SYT6: variants seen among roughly 807,000 people sequenced by gnomAD.
The protein encoded by SYT6 is synaptotagmin 6.
SYT6 carries 24 observed loss-of-function variants against 38.4 expected under a neutral mutation model. The ratio of observed to expected loss-of-function variants is 0.62; its 90% CI spans 0.45 to 0.88. SYT6 has a LOEUF of 0.88. SYT6 is among the 40% of genes least tolerant of loss of function. SYT6 has a pLI of 0.00. For synonymous variants in SYT6, 265 were observed against 241.9 expected, an observed-to-expected ratio of 1.10 and a Z score of -0.89; for missense variants, 611 against 621.0, an observed-to-expected ratio of 0.98 and a Z score of 0.17.
Position 114,139,627 on chromosome 1 carries a change from G to T in SYT6, c.500C>A (p.Ala167Glu). 1 of 1,614,112 alleles carries T rather than the reference G, an allele frequency of 6.2e-7. No individual in the cohort carries two copies. The change falls in exon 2 of 8, where the codon GCG becomes GAG. Residue 167 changes from alanine to glutamate, a missense_variant. Physicochemically the swap from Ala to Glu is moderately radical, Grantham distance 107. Coordinates refer to ENST00000610222, the MANE Select transcript of SYT6 (RefSeq NM_001253772.2). ...GTCCACTCCTCACCTGGTGGATGAC[G>T]CTGGCTCTGTAGTTTGCCGCTGCAG... ...TRLQRQTTEPASSTRHTSFKR... is the reference protein window; with the variant it reads ...TRLQRQTTEPESSTRHTSFKR...
intron 4 of SYT6, among the ~76,000 whole-genome samples, chr1:114,100,332 C>T (rs1675888260): frequency 6.6e-6 from 1 of 152,278 alleles, no homozygotes; most frequent in South Asian, 2.1e-4. Context: ...TCAGGAGGTG[C>T]CAGCCAAGCA....
intron 2 of SYT6, among the ~76,000 whole-genome samples, chr1:114,138,952 A>G (rs907549183): frequency 1.3e-5 from 2 of 152,156 alleles, no homozygotes; most frequent in African/African-American, 4.8e-5. Flanking sequence ...GGGCCTGGAG[A>G]GCCGTTGCAG....
chr1:114,124,166 G>A (rs965374334), intron 3 of SYT6, among the ~76,000 whole-genome samples: 1 of 152,208 alleles, frequency 6.6e-6, no homozygotes, highest in Non-Finnish European at 1.5e-5. Context: ...AATGCCAATG[G>A]CCATAGCAAT....
At chr1:114,100,937 T>G (rs1675933409) in intron 4 of SYT6, among the ~76,000 whole-genome samples, 1 of 152,108 alleles carries the variant, frequency 6.6e-6, no homozygotes, top group Non-Finnish European at 1.5e-5. Context: ...CACTCCCACA[T>G]CAGGGCAGAT....
intron 2 of SYT6, 54 bp from the exon 3 acceptor site, chr1:114,138,107 G>A: frequency 6.5e-7 from 1 of 1,531,546 alleles, no homozygotes; most frequent in Admixed American, 1.9e-5. Context: ...CAGGGGAAGG[G>A]GGATGAAGGC....
chr1:114,112,656 T>C (rs78522870), intron 3 of SYT6, among the ~76,000 whole-genome samples: 8,682 of 152,300 alleles, frequency 0.057, 380 homozygotes, highest in Middle Eastern at 0.082. Flanking sequence ...TGCCGTAGGG[T>C]GCTTGTGCCT....
intron 3 of SYT6, among the ~76,000 whole-genome samples, chr1:114,112,811 T>G (rs1011188460): frequency 6.6e-6 from 1 of 152,226 alleles, no homozygotes; most frequent in Non-Finnish European, 1.5e-5. Flanking sequence ...CAAGTTGTCT[T>G]GCCGAGTGGC....
chr1:114,103,463 T>G, intron 4 of SYT6, 138 bp downstream of exon 4: 1 of 1,220,416 alleles, frequency 8.2e-7, no homozygotes, highest in Non-Finnish European at 1.1e-6. Flanking sequence ...AGAACTGGAA[T>G]TCGAATCCAG....
chr1:114,114,226 G>A (rs79537167), intron 3 of SYT6, among the ~76,000 whole-genome samples: 7 of 152,216 alleles, frequency 4.6e-5, no homozygotes, highest in Non-Finnish European at 1.0e-4. Flanking sequence ...TCACTGTCAG[G>A]TTCATGCATG....
intron 1 of SYT6, among the ~76,000 whole-genome samples, chr1:114,142,141 G>C (rs1243011029): frequency 6.6e-6 from 1 of 152,202 alleles, no homozygotes; most frequent in Admixed American, 6.5e-5. Context: ...AGCTGTCATA[G>C]ACAGTGATTC....
intron 2 of SYT6, among the ~76,000 whole-genome samples, chr1:114,139,091 A>G (rs546298354): frequency 6.6e-6 from 1 of 152,214 alleles, no homozygotes; most frequent in East Asian, 1.9e-4. Context: ...TCTTGTTGCT[A>G]TTTTCAGTTA....
rs962070494 is a variant in SYT6 at position 114,091,950 on chromosome 1, C to T, written c.*184G>A. The T allele has an allele frequency of 2.3e-5, 34 of 1,508,772 alleles. No homozygotes were observed. The highest frequency in any genetic ancestry group is 1.7e-4 in the Middle Eastern group (1 of 5,946). The allele number at this position is 1,508,772 out of a possible 1,614,324, so 93.5% of individuals were successfully genotyped here. A position where few individuals can be genotyped will look rare whatever the true frequency, so the allele number is the denominator to read the frequency against. Reference sequence around the variant, plus strand: ...CTGCGACTGCACAACACTGTTTAGACGGTTGAACAAGTGCAAAGAGAACAT... The same window carrying T: ...CTGCGACTGCACAACACTGTTTAGATGGTTGAACAAGTGCAAAGAGAACAT... On this transcript the variant is annotated 3_prime_UTR_variant, in exon 8 of 8. Transcript: ENST00000610222.
At chr1:114,094,259 A>G (rs565374820) in intron 6 of SYT6, among the ~76,000 whole-genome samples, 20 of 152,360 alleles carry the variant, frequency 1.3e-4, no homozygotes, top group African/African-American at 4.6e-4. Flanking sequence ...GGAGGCTTAC[A>G]GTGGCTCTGA....
At chr1:114,150,034 C>T (rs116002910) in intron 1 of SYT6, among the ~76,000 whole-genome samples, 3 of 152,268 alleles carry the variant, frequency 2.0e-5, no homozygotes, top group African/African-American at 7.2e-5. Flanking sequence ...TTAGTCGGAA[C>T]TTTGTCTTAG....
chr1:114,099,411 T>C, intron 4 of SYT6, 146 bp from the exon 5 acceptor site: 1 of 733,628 alleles, frequency 1.4e-6, no homozygotes, highest in Non-Finnish European at 2.1e-6. Flanking sequence ...TAAACCACCT[T>C]GTATTTATGT....
chr1:114,126,387 T>C (rs1167838738), intron 3 of SYT6, among the ~76,000 whole-genome samples: 5 of 152,210 alleles, frequency 3.3e-5, no homozygotes, highest in Non-Finnish European at 7.3e-5. Flanking sequence ...TTACACCCCA[T>C]GACCCTAGTC....
chr1:114,133,996 C>T (rs958129726), intron 3 of SYT6, among the ~76,000 whole-genome samples: 1 of 152,182 alleles, frequency 6.6e-6, no homozygotes, highest in African/African-American at 2.4e-5. Context: ...GAACAAGGGA[C>T]CTGCCTGGTG....
At chr1:114,092,732 G>A (rs906435897) in intron 7 of SYT6, among the ~76,000 whole-genome samples, 2 of 152,158 alleles carry the variant, frequency 1.3e-5, no homozygotes, top group Non-Finnish European at 2.9e-5. Flanking sequence ...CTGTGAAAGG[G>A]GTGATGTAAT....
chr1:114,089,506 G>A lies in SYT6; in HGVS notation c.*2628C>T, dbSNP rs1675176216. 1 of 152,390 alleles carries A rather than the reference G, an allele frequency of 6.6e-6. No individual in the cohort carries two copies. The highest frequency in any genetic ancestry group is 6.5e-5 in the Admixed American group (1 of 15,280). The allele number at this position is 152,390 out of a possible 1,614,324, so 9.4% of individuals were successfully genotyped here. On this transcript the variant is annotated 3_prime_UTR_variant, in exon 8 of 8. Coordinates refer to ENST00000610222, the MANE Select transcript of SYT6 (RefSeq NM_001253772.2). ...TTTCATGTTTTTTAAAAAAACCTAT[G>A]TGCAAATGGCCCTGGTTATCACAAC...
Sources: allele counts gnomAD v4.1 joint callset (sites outside exome capture counted in the v4.1 genomes callset), GRCh38; gene constraint gnomAD v4.1.1; transcripts MANE v1.5; gene names NCBI Gene and HGNC (gene_info 2026-07-23, HGNC 2026-07-21).